The following IPCEF1 variants were observed in gnomAD, a reference collection of about 807,000 sequenced individuals.
IPCEF1 encodes the protein interactor protein for cytohesin exchange factors 1.
A neutral mutation model predicts 50.9 loss-of-function variants in IPCEF1; 31 were observed. The ratio of observed to expected loss-of-function variants is 0.61; its 90% CI spans 0.46 to 0.82. The LOEUF is 0.82. Among genes scored for constraint, IPCEF1 ranks in the 40% least tolerant of loss-of-function variants. The pLI is 0.00. For missense variants in IPCEF1, 458 were observed against 514.0 expected (o/e 0.89, Z 1.05); for synonymous variants, 181 against 192.0 (o/e 0.94, Z 0.47).
intron 5 of IPCEF1, among the ~76,000 whole-genome samples, chr6:154,223,550 G>A (rs1434241748): frequency 3.1e-5 from 3 of 96,542 alleles, no homozygotes; most frequent in Non-Finnish European, 6.1e-5. Context: ...GGAAAACATA[G>A]CTAACCCAAC....
At chr6:154,310,938 T>A (rs967779540) in intron 1 of IPCEF1, among the ~76,000 whole-genome samples, 1 of 152,132 alleles carries the variant, frequency 6.6e-6, no homozygotes, top group Non-Finnish European at 1.5e-5. Context: ...GGTGTTGTAT[T>A]GCACTGCATG....
intron 5 of IPCEF1, among the ~76,000 whole-genome samples, chr6:154,228,476 C>T (rs1779448939): frequency 6.6e-6 from 1 of 152,212 alleles, no homozygotes; most frequent in Admixed American, 6.5e-5. Flanking sequence ...GAAACACGTT[C>T]CTTTTCACTT....
chr6:154,247,001 A>G (rs1781105387), intron 4 of IPCEF1: 2 of 468,498 alleles, frequency 4.3e-6, no homozygotes, highest in Non-Finnish European at 3.7e-6. Flanking sequence ...CTTAGAAGGT[A>G]TAAGATACGG....
chr6:154,217,691 A>G (rs1046902982), intron 7 of IPCEF1, among the ~76,000 whole-genome samples: 3 of 152,232 alleles, frequency 2.0e-5, no homozygotes, highest in Non-Finnish European at 4.4e-5. Context: ...ACCAGGCAAA[A>G]CATAACAATT....
chr6:154,302,111 C>T (rs912678914), intron 1 of IPCEF1, among the ~76,000 whole-genome samples: 6 of 152,232 alleles, frequency 3.9e-5, no homozygotes, highest in African/African-American at 1.2e-4. Context: ...AGAGAGTTCT[C>T]ATTGCTCACA....
At chr6:154,189,100 T>C (rs1423994771) in intron 10 of IPCEF1, among the ~76,000 whole-genome samples, 1 of 152,194 alleles carries the variant, frequency 6.6e-6, no homozygotes, top group East Asian at 1.9e-4. Context: ...CCAGAATGTA[T>C]ACATTCCTAC....
At chr6:154,335,540 T>C (rs1783770532) in intron 1 of IPCEF1, among the ~76,000 whole-genome samples, 1 of 152,028 alleles carries the variant, frequency 6.6e-6, no homozygotes, top group African/African-American at 2.4e-5. Context: ...AGAGTGAAGA[T>C]ACAACCTGTT....
intron 1 of IPCEF1, among the ~76,000 whole-genome samples, chr6:154,295,014 C>G (rs955404451): frequency 1.3e-5 from 2 of 152,068 alleles, no homozygotes; most frequent in Non-Finnish European, 2.9e-5. Flanking sequence ...CTGGCTAACA[C>G]GGTGAAAGCC....
intron 2 of IPCEF1, among the ~76,000 whole-genome samples, chr6:154,278,269 G>A (rs972148280): frequency 2.0e-5 from 3 of 152,188 alleles, no homozygotes; most frequent in South Asian, 4.1e-4. Context: ...ATCTGAAAGA[G>A]GAACATGTGC....
Position 154,325,746 on chromosome 6 carries a change from T to A in IPCEF1, c.-62+30926A>T, listed in dbSNP as rs1372552911. On this transcript the variant is annotated intron_variant, in intron 1 of 11. Transcript: ENST00000367220. Reference sequence around the variant, plus strand: ...ACTTAATTAATGCTTTCTTTGAGTGTGCTTTTTTGGGGTGTGCTTTTTGAC... The same window carrying A: ...ACTTAATTAATGCTTTCTTTGAGTGAGCTTTTTTGGGGTGTGCTTTTTGAC... 2.0e-5 allele frequency among the ~76,000 whole-genome samples: 3 copies of A among 152,312 alleles called. No individual in the cohort carries two copies. In the East Asian group the frequency reaches 5.8e-4, roughly 29 times the overall value.
At position 154,321,949 on chromosome 6, in the gene IPCEF1, C is replaced by T. The variant is rs1210002810; in HGVS notation, c.-61-32193G>A. ...ATTGTAGACCAGGATCTCTCATGAA[C>T]ATGGATGCAAAAGCTGTTACCAAAA... On this transcript the variant is annotated intron_variant, in intron 1 of 11. Transcript: ENST00000367220. 3.3e-5 allele frequency among the ~76,000 whole-genome samples: 5 copies of T among 151,974 alleles called. 1 individual carries two copies. The South Asian group carries it at 8.3e-4, about 25-fold the overall frequency.
chr6:154,233,855 G>A (rs1025653768), intron 5 of IPCEF1, among the ~76,000 whole-genome samples: 18 of 152,118 alleles, frequency 1.2e-4, no homozygotes, highest in African/African-American at 3.4e-4. Flanking sequence ...AGAGGTCCTC[G>A]GAGATCACTG....
At chr6:154,255,935 G>A (rs767066081) in intron 3 of IPCEF1, among the ~76,000 whole-genome samples, 40 of 151,978 alleles carry the variant, frequency 2.6e-4, no homozygotes, top group Admixed American at 6.6e-4. Context: ...TTTGAACCTC[G>A]TACTTAAACA....
intron 10 of IPCEF1, among the ~76,000 whole-genome samples, chr6:154,197,359 T>C (rs1207134802): frequency 2.6e-5 from 4 of 152,190 alleles, no homozygotes; most frequent in Admixed American, 6.5e-5. Context: ...GCTGTTTCCA[T>C]AGAGATGACT....
At chr6:154,230,130 A>AT (rs1779608008) in intron 5 of IPCEF1, among the ~76,000 whole-genome samples, 1 of 152,222 alleles carries the variant, frequency 6.6e-6, no homozygotes, top group South Asian at 2.1e-4. Context: ...AAACTGATTT[A>AT]TTATGATGGT....
At chr6:154,344,014 A>G (rs534748008) in intron 1 of IPCEF1, among the ~76,000 whole-genome samples, 2 of 152,290 alleles carry the variant, frequency 1.3e-5, no homozygotes, top group South Asian at 4.1e-4. Context: ...GTTTTTGTGC[A>G]GGCTACGTGA....
At chr6:154,221,627 A>C (rs560401401) in intron 6 of IPCEF1, among the ~76,000 whole-genome samples, 1 of 152,166 alleles carries the variant, frequency 6.6e-6, no homozygotes, top group South Asian at 2.1e-4. Context: ...TAATCCTAGC[A>C]CTTTGGGAGG....
chr6:154,352,620 T>A (rs1784136658), intron 1 of IPCEF1, among the ~76,000 whole-genome samples: 1 of 152,220 alleles, frequency 6.6e-6, no homozygotes, highest in Non-Finnish European at 1.5e-5. Context: ...CTCTCCTTTC[T>A]AAGACAAAGA....
chr6:154,198,631 TACAC>T (rs3070838), intron 10 of IPCEF1, among the ~76,000 whole-genome samples: 11,933 of 146,724 alleles, frequency 0.081, 537 homozygotes, highest in African/African-American at 0.11. Context: ...AAATATTACA[TACAC>T]ACACACACAC....
Sources: gnomAD v4.1 joint callset for allele counts (sites outside exome capture counted in the v4.1 genomes callset) on GRCh38, gnomAD v4.1.1 for gene constraint, MANE v1.5 for transcripts, NCBI Gene and HGNC (gene_info 2026-07-23, HGNC 2026-07-21) for gene names.